CACNA2D1: variants seen among roughly 807,000 people sequenced by gnomAD.
The protein encoded by CACNA2D1 is calcium voltage-gated channel auxiliary subunit alpha2delta 1.
CACNA2D1 carries 53 observed loss-of-function variants against 171.5 expected under a neutral mutation model. That is an observed-to-expected ratio of 0.31 (90% CI 0.25 to 0.39). CACNA2D1 has a LOEUF of 0.39. Among genes scored for constraint, CACNA2D1 ranks in the 10% least tolerant of loss-of-function variants. CACNA2D1 has a pLI of 1.00. For synonymous variants in CACNA2D1, 442 were observed against 443.1 expected (o/e 1.00, Z 0.03); for missense variants, 903 against 1,299.8 (o/e 0.69, Z 4.69).
At chr7:82,293,283 CTTT>C (rs1376154730) in intron 3 of CACNA2D1, among the ~76,000 whole-genome samples, 1 of 151,540 alleles carries the variant, frequency 6.6e-6, no homozygotes, top group Non-Finnish European at 1.5e-5. Context: ...CTGTTTTTTG[CTTT>C]TGTCTTTTTT....
At chr7:82,334,134 G>A (rs1245513139) in intron 3 of CACNA2D1, among the ~76,000 whole-genome samples, 1 of 151,996 alleles carries the variant, frequency 6.6e-6, no homozygotes, top group African/African-American at 2.4e-5. Flanking sequence ...GACAAGCAGA[G>A]GTAACATTTA....
intron 10 of CACNA2D1, among the ~76,000 whole-genome samples, chr7:82,053,502 GT>G (rs969311129): frequency 6.6e-6 from 1 of 152,022 alleles, no homozygotes; most frequent in African/African-American, 2.4e-5. Flanking sequence ...AAACTTCAGA[GT>G]GTAGTTGACA....
intron 3 of CACNA2D1, among the ~76,000 whole-genome samples, chr7:82,222,897 T>C (rs1044442139): frequency 2.0e-5 from 3 of 150,160 alleles, no homozygotes; most frequent in Admixed American, 6.6e-5. Flanking sequence ...TTTCTTTCTT[T>C]CTTTTTTTTT....
At chr7:81,985,474 GC>G (rs1429898443) in intron 21 of CACNA2D1, among the ~76,000 whole-genome samples, 3 of 151,936 alleles carry the variant, frequency 2.0e-5, no homozygotes, top group Non-Finnish European at 4.4e-5. Context: ...TCCACGCCTG[GC>G]CATTATCATT....
rs368512946 is a variant in CACNA2D1 at position 81,968,948 on chromosome 7, C to T, written c.2334G>A (p.Ser778=). 1.2e-4 allele frequency: 185 copies of T among 1,590,164 alleles called. No homozygotes were observed. The highest frequency in any genetic ancestry group is 1.5e-4 in the Non-Finnish European group (172 of 1,161,092). The stretch of plus-strand genomic sequence containing the variant: ...CTACAGCTTTGCTTACCATAATGCC[C>T]GATTCATAGGCACCAGGTCCACTTT... ...FNKSGPGAYE[S]GIMVSKAVEI... The change falls in exon 29 of 39, where the codon TCG becomes TCA. Residue 778 remains serine, a synonymous_variant. Coordinates refer to ENST00000356860, the MANE Select transcript of CACNA2D1 (RefSeq NM_000722.4).
At chr7:81,995,798 CA>C (rs59979323) in intron 19 of CACNA2D1, among the ~76,000 whole-genome samples, 3,372 of 101,454 alleles carry the variant, frequency 0.033, 119 homozygotes, top group African/African-American at 0.1. Flanking sequence ...GACTCCACCT[CA>C]AAAAAAAAAA....
Position 82,081,289 on chromosome 7 carries a change from T to A in CACNA2D1, c.658+3480A>T, listed in dbSNP as rs151317992. ...GATATGATCAGAGAAGTATATATAGTCTCCCCAAAAATTTTTTAATCATGT... is the reference window on the plus strand; with the variant it reads ...GATATGATCAGAGAAGTATATATAGACTCCCCAAAAATTTTTTAATCATGT... On this transcript the variant is annotated intron_variant, in intron 7 of 38. Transcript: ENST00000356860. 3.1e-3 allele frequency among the ~76,000 whole-genome samples: 471 copies of A among 152,260 alleles called. 4 individuals carry two copies. Among genetic ancestry groups the A allele is most frequent in the African/African-American group, 0.011 (437 of 41,546 alleles).
At chr7:82,364,714 G>C (rs79070162) in intron 1 of CACNA2D1, among the ~76,000 whole-genome samples, 5,640 of 152,248 alleles carry the variant, frequency 0.037, 154 homozygotes, top group Middle Eastern at 0.078. Flanking sequence ...TTCAAGCATA[G>C]TGTATATACT....
intron 1 of CACNA2D1, among the ~76,000 whole-genome samples, chr7:82,421,442 G>A (rs1391630507): frequency 6.6e-6 from 1 of 152,144 alleles, no homozygotes; most frequent in Non-Finnish European, 1.5e-5. Context: ...ACATCACTAG[G>A]AAGATTCTGC....
chr7:82,013,397 T>C (rs1282387956), intron 14 of CACNA2D1, 64 bp downstream of exon 14: 2 of 734,736 alleles, frequency 2.7e-6, no homozygotes, highest in South Asian at 2.4e-5. Context: ...ATTGAGCATA[T>C]TTAAACCAGA....
chr7:82,442,500 T>C (rs1476049149), intron 1 of CACNA2D1, among the ~76,000 whole-genome samples: 1 of 152,208 alleles, frequency 6.6e-6, no homozygotes, highest in Non-Finnish European at 1.5e-5. Flanking sequence ...AGTTTGATTC[T>C]ATTTTGCTAA....
intron 3 of CACNA2D1, among the ~76,000 whole-genome samples, chr7:82,177,899 A>G (rs1348053388): frequency 6.6e-6 from 1 of 152,144 alleles, no homozygotes; most frequent in African/African-American, 2.4e-5. Context: ...CTTGCTAAAA[A>G]ATTTTTGCAG....
In CACNA2D1 at chr7:82,040,468, A is replaced by C. The variant is rs947881239; in HGVS notation, c.880-2233T>G. On this transcript the variant is annotated intron_variant, in intron 10 of 38. Transcript: ENST00000356860. Reference sequence around the variant, plus strand: ...TAATTTATTCAAAAAAAAAAAAAAAAAAACAGAAGGCTTCAGGAAAAAAAA... The same window carrying C: ...TAATTTATTCAAAAAAAAAAAAAAACAAACAGAAGGCTTCAGGAAAAAAAA... 5.4e-4 allele frequency among the ~76,000 whole-genome samples: 79 copies of C among 147,112 alleles called. 1 individual carries two copies. The highest frequency in any genetic ancestry group is 9.5e-4 in the Non-Finnish European group (63 of 66,620).
intron 6 of CACNA2D1, among the ~76,000 whole-genome samples, chr7:82,104,940 C>G (rs1309543425): frequency 6.6e-6 from 1 of 152,058 alleles, no homozygotes; most frequent in Non-Finnish European, 1.5e-5. Flanking sequence ...AGGGAAGATT[C>G]TATTTCTCAA....
chr7:82,038,043 A>G, intron 11 of CACNA2D1, 34 bp downstream of exon 11: 3 of 1,606,044 alleles, frequency 1.9e-6, no homozygotes, highest in Non-Finnish European at 2.6e-6. Flanking sequence ...CAATTGAACA[A>G]CAACAACAAC....
rs777438320 is a variant in CACNA2D1 at position 81,959,323 on chromosome 7, T to C, written c.3111A>G (p.Gln1037=). 6.2e-7 allele frequency: 1 copy of C among 1,611,724 alleles called. No homozygotes were observed. Among genetic ancestry groups the C allele is most frequent in the Non-Finnish European group, 8.5e-7 (1 of 1,178,044 alleles). The change falls in exon 38 of 39, where the codon CAA becomes CAG. Residue 1037 remains glutamine, a synonymous_variant. Transcript: ENST00000356860. ...DGPNPCDMVK[Q]PRYRKGPDVC... ...CATCAGGCCCTTTTCGGTATCTGGG[T>C]TGCTTAACCATGTCACAAGGATTTG...
At chr7:82,163,759 A>G (rs569929566) in intron 4 of CACNA2D1, among the ~76,000 whole-genome samples, 23 of 152,152 alleles carry the variant, frequency 1.5e-4, no homozygotes, top group Admixed American at 1.0e-3. Context: ...ATAGTACAAC[A>G]GTAATAGGAG....
chr7:82,166,774 G>C (rs961995846), intron 4 of CACNA2D1, among the ~76,000 whole-genome samples: 2 of 152,012 alleles, frequency 1.3e-5, no homozygotes, highest in African/African-American at 2.4e-5. Context: ...ATATTAGTTT[G>C]AACTTGTAAA....
intron 5 of CACNA2D1, among the ~76,000 whole-genome samples, chr7:82,126,162 G>C (rs117114148): frequency 0.011 from 1,602 of 152,216 alleles, 62 homozygotes; most frequent in Admixed American, 0.067. Context: ...GAGATTATGT[G>C]ATCTTGCCAA....
Sources: gnomAD v4.1 joint callset for allele counts (sites outside exome capture counted in the v4.1 genomes callset) on GRCh38, gnomAD v4.1.1 for gene constraint, MANE v1.5 for transcripts, NCBI Gene and HGNC (gene_info 2026-07-23, HGNC 2026-07-21) for gene names.